PPM1A: variants seen among roughly 807,000 people sequenced by gnomAD.
PPM1A encodes protein phosphatase 1A.
Under a neutral mutation model 35.0 loss-of-function variants are expected in PPM1A, and 7 were observed. The observed-to-expected ratio is 0.20, with a 90% confidence interval of 0.11 to 0.38. The LOEUF (loss-of-function observed/expected upper bound fraction) is 0.38, where lower values mean the gene tolerates loss of function less well. Among genes scored for constraint, PPM1A ranks in the 10% least tolerant of loss-of-function variants. The probability of loss-of-function intolerance (pLI) is 1.00; values close to 1 mark genes in which losing one functional copy is unlikely to be tolerated. For missense variants in PPM1A, 239 were observed against 467.8 expected, an observed-to-expected ratio of 0.51 and a Z score of 4.51; for synonymous variants, 153 against 167.3, an observed-to-expected ratio of 0.91 and a Z score of 0.66.
chr14:60,260,620 A>G (rs920190855), intron 1 of PPM1A, among the ~76,000 whole-genome samples: 10 of 152,172 alleles, frequency 6.6e-5, no homozygotes, highest in African/African-American at 1.9e-4. Context: ...CGATTAACAC[A>G]ATTTAATTTT....
At chr14:60,264,617 G>C (rs1207214145) in intron 1 of PPM1A, among the ~76,000 whole-genome samples, 1 of 152,068 alleles carries the variant, frequency 6.6e-6, no homozygotes, top group Non-Finnish European at 1.5e-5. Flanking sequence ...TTGATGGGAA[G>C]ATTCATATCT....
At chr14:60,250,036 C>G (rs1304440280) in intron 1 of PPM1A, among the ~76,000 whole-genome samples, 6 of 151,520 alleles carry the variant, frequency 4.0e-5, no homozygotes, top group Admixed American at 3.3e-4. Flanking sequence ...GAACTTTTCC[C>G]GAGCGGGGAG....
rs1472746212 is a variant in PPM1A, at chr14:60,289,537, T to C, written c.953-269T>C. Among the ~76,000 whole-genome samples the C allele has an allele frequency of 2.0e-5, 3 of 152,156 alleles. No homozygotes were observed. The highest frequency in any genetic ancestry group is 6.5e-5 in the Admixed American group (1 of 15,268). ...GGGTATTCTCACTTGTGCACACATA[T>C]CCTTGATTATATAATATGCTGATTT... On this transcript the variant is annotated intron_variant, in intron 3 of 5. Coordinates refer to ENST00000395076, the MANE Select transcript of PPM1A (RefSeq NM_021003.5). The surrounding 1 kb of genome is among the most constrained non-coding windows in gnomAD (Gnocchi z 4.1).
intron 1 of PPM1A, among the ~76,000 whole-genome samples, chr14:60,281,630 T>G (rs1310071472): frequency 6.6e-6 from 1 of 152,224 alleles, no homozygotes; most frequent in Non-Finnish European, 1.5e-5. Flanking sequence ...AGTTGTGACT[T>G]ACTTGATTAC....
At chr14:60,280,108 C>T (rs1187627426) in intron 1 of PPM1A, among the ~76,000 whole-genome samples, 1 of 152,148 alleles carries the variant, frequency 6.6e-6, no homozygotes, top group East Asian at 1.9e-4. Context: ...CAGGTTCAAG[C>T]CATTCTTCTG....
At chr14:60,260,744 C>T (rs1166433581) in intron 1 of PPM1A, among the ~76,000 whole-genome samples, 4 of 152,086 alleles carry the variant, frequency 2.6e-5, no homozygotes, top group African/African-American at 9.7e-5. Flanking sequence ...ATAGATTTGT[C>T]TAGTTTAGGT....
rs886067330 is a variant in PPM1A, at chr14:60,288,092, A to G, written c.953-1714A>G. The G allele has an allele frequency of 7.1e-6, 7 of 982,466 alleles. No homozygotes were observed. The Admixed American group carries it at 4.3e-4, about 60-fold the overall frequency. The allele number at this position is 982,466 out of a possible 1,614,324, so 60.9% of individuals were successfully genotyped here. On this transcript the variant is annotated intron_variant, in intron 3 of 5. Transcript: ENST00000395076. ...ATTTTTCTTTTTTGAAAGCAGACAG[A>G]AGCAAGGCTAGTATAGTATGAATGG... is the stretch of plus-strand genomic sequence containing the variant.
chr14:60,262,420 A>T (rs1357112343), intron 1 of PPM1A, among the ~76,000 whole-genome samples: 1 of 152,238 alleles, frequency 6.6e-6, no homozygotes, highest in Non-Finnish European at 1.5e-5. Flanking sequence ...ATAGTGGCTC[A>T]AGCCTGTAAT....
At chr14:60,248,944 G>C (rs573982988), upstream of PPM1A, among the ~76,000 whole-genome samples, 3 of 152,182 alleles carry the variant, frequency 2.0e-5, no homozygotes, top group South Asian at 6.2e-4. Flanking sequence ...GGATCCGGAC[G>C]CTCCCTTCGG....
rs866915152 is a variant in PPM1A at position 60,249,917 on chromosome 14, T to G, written c.-21+240T>G. On this transcript the variant is annotated intron_variant, in intron 1 of 5. Coordinates refer to ENST00000395076, the MANE Select transcript of PPM1A (RefSeq NM_021003.5). The surrounding 1 kb of genome is among the most constrained non-coding windows in gnomAD (Gnocchi z 4.5). The stretch of plus-strand genomic sequence containing the variant: ...GGCGGGGGCGGGGTGTTAGTTGCGG[T>G]GGCGCGGGGAGGGGGCGCGACCCTC... Among the ~76,000 whole-genome samples, 1,895 of 149,094 alleles carry G rather than the reference T, an allele frequency of 0.013. 45 individuals are homozygous for G. The highest frequency in any genetic ancestry group is 0.044 in the African/African-American group (1,805 of 40,678).
Position 60,293,184 on chromosome 14 carries a change from C to G in PPM1A, c.*702C>G, listed in dbSNP as rs1203565743. On this transcript the variant is annotated 3_prime_UTR_variant, in exon 6 of 6. Coordinates refer to ENST00000395076, the MANE Select transcript of PPM1A (RefSeq NM_021003.5). This position sits in a 1 kb window ranked among gnomAD's most constrained non-coding sequence, Gnocchi z 4.0. ...TGGGGCTAAATGCCTTGTTTCTTTG[C>G]ACCTCTTTTCAAGTCCTTACATTTA... 1 of 151,936 alleles carries G rather than the reference C, an allele frequency of 6.6e-6. No homozygotes were observed. Among genetic ancestry groups the G allele is most frequent in the Admixed American group, 6.6e-5 (1 of 15,236 alleles). 9.4% of individuals were successfully genotyped at this position (151,936 alleles called of 1,614,324 possible).
At chr14:60,265,408 C>G (rs1266459186) in intron 1 of PPM1A, among the ~76,000 whole-genome samples, 1 of 152,126 alleles carries the variant, frequency 6.6e-6, no homozygotes, top group African/African-American at 2.4e-5. Context: ...AGGATGTGGA[C>G]TTTTGGCCAT....
At chr14:60,260,610 C>T (rs1038536150) in intron 1 of PPM1A, among the ~76,000 whole-genome samples, 4 of 152,058 alleles carry the variant, frequency 2.6e-5, no homozygotes, top group South Asian at 2.1e-4. Flanking sequence ...ACTTATGCAA[C>T]GATTAACACA....
intron 1 of PPM1A, among the ~76,000 whole-genome samples, chr14:60,276,815 C>T (rs978118086): frequency 5.3e-5 from 8 of 151,912 alleles, no homozygotes; most frequent in African/African-American, 1.9e-4. Context: ...ACCAAATGAC[C>T]GGGTTCAAGA....
chr14:60,267,939 A>G (rs1392261847), intron 1 of PPM1A, among the ~76,000 whole-genome samples: 1 of 152,124 alleles, frequency 6.6e-6, no homozygotes, highest in Non-Finnish European at 1.5e-5. Context: ...ACTCTTAAAT[A>G]TTTAAATGTG....
At chr14:60,254,153 G>A (rs1882771391) in intron 1 of PPM1A, among the ~76,000 whole-genome samples, 1 of 152,072 alleles carries the variant, frequency 6.6e-6, no homozygotes, top group Admixed American at 6.6e-5. Flanking sequence ...AGTATGAGAG[G>A]GTTGTCTTTC....
At position 60,282,642 on chromosome 14, in the gene PPM1A, T is replaced by C; in HGVS notation, c.-20-42T>C. ...AAGATTGTTTGGTACATATTTTGTT[T>C]ATAAGACAGTTATTGACTTTCCTGT... On this transcript the variant is annotated intron_variant, in intron 1 of 5. Coordinates refer to ENST00000395076, the MANE Select transcript of PPM1A (RefSeq NM_021003.5). The surrounding 1 kb of genome is among the most constrained non-coding windows in gnomAD (Gnocchi z 5.1). The C allele has an allele frequency of 6.3e-7, 1 of 1,580,368 alleles. No individual in the cohort carries two copies. The highest frequency in any genetic ancestry group is 8.6e-7 in the Non-Finnish European group (1 of 1,163,360).
chr14:60,286,221 A>C (rs1886989238), intron 3 of PPM1A: 1 of 985,920 alleles, frequency 1.0e-6, no homozygotes, highest in Admixed American at 6.1e-5. Flanking sequence ...ACACAGCTTT[A>C]AAAAATTTGC....
Position 60,283,383 on chromosome 14 carries a change from C to G in PPM1A, c.680C>G (p.Ser227Cys). 1 of 1,614,114 alleles carries G rather than the reference C, an allele frequency of 6.2e-7. No individual in the cohort carries two copies. Among genetic ancestry groups the G allele is most frequent in the Non-Finnish European group, 8.5e-7 (1 of 1,180,020 alleles). ...CCTGAAGTCCATGATATTGAAAGAT[C>G]TGAAGAAGATGATCAGTTCATTATC... ...PEPEVHDIER[S>C]EEDDQFIILA... The change falls in exon 2 of 6, where the codon TCT (serine) becomes TGT (cysteine). Residue 227 changes from serine (S) to cysteine (C), a missense_variant. Ser to Cys is a moderately radical substitution (Grantham distance 112, BLOSUM62 -1). Coordinates refer to ENST00000395076, the MANE Select transcript of PPM1A (RefSeq NM_021003.5). This position sits in a 1 kb window ranked among gnomAD's most constrained non-coding sequence, Gnocchi z 6.3.
Sources: allele counts gnomAD v4.1 joint callset (sites outside exome capture counted in the v4.1 genomes callset), GRCh38; gene constraint gnomAD v4.1.1; non-coding constraint Gnocchi (gnomAD v3.1); transcripts MANE v1.5; gene names NCBI Gene and HGNC (gene_info 2026-07-23, HGNC 2026-07-21).